FOXP1: variants seen among roughly 807,000 people sequenced by gnomAD.
The protein encoded by FOXP1 is forkhead box P1.
FOXP1 carries 15 observed loss-of-function variants against 98.2 expected under a neutral mutation model. The ratio of observed to expected loss-of-function variants is 0.15; its 90% CI spans 0.10 to 0.24. The LOEUF is 0.24. Ranked by LOEUF, FOXP1 falls within the 10% of genes least tolerant of loss-of-function variation. The pLI, the probability that FOXP1 is intolerant of heterozygous loss-of-function variation, is 1.00. For synonymous variants in FOXP1, 371 were observed against 314.5 expected, an observed-to-expected ratio of 1.18 and a Z score of -1.90; for missense variants, 633 against 848.5, an observed-to-expected ratio of 0.75 and a Z score of 3.15.
At chr3:71,492,830 G>A (rs925383388) in intron 3 of FOXP1, among the ~76,000 whole-genome samples, 1 of 152,112 alleles carries the variant, frequency 6.6e-6, no homozygotes. Flanking sequence ...AGGATGGATG[G>A]AAAACACACT....
chr3:71,348,583 A>G (rs575100396), intron 4 of FOXP1, among the ~76,000 whole-genome samples: 1 of 150,682 alleles, frequency 6.6e-6, no homozygotes, highest in African/African-American at 2.4e-5. Context: ...ATGTGTGTAT[A>G]AGTCACACAT....
intron 6 of FOXP1, among the ~76,000 whole-genome samples, chr3:71,183,919 G>A (rs182445984): frequency 7.9e-5 from 12 of 152,216 alleles, no homozygotes; most frequent in Admixed American, 2.0e-4. Flanking sequence ...TTGGGAGGCC[G>A]AGGTGGGAAG....
intron 3 of FOXP1, among the ~76,000 whole-genome samples, chr3:71,445,154 C>A (rs1457844799): frequency 2.6e-5 from 4 of 152,114 alleles, no homozygotes; most frequent in African/African-American, 7.2e-5. Context: ...AGAGCCATAA[C>A]CCCCATTTTA....
At chr3:71,246,006 C>A (rs78870634) in intron 5 of FOXP1, among the ~76,000 whole-genome samples, 22 of 144,984 alleles carry the variant, frequency 1.5e-4, no homozygotes, top group East Asian at 4.1e-4. Context: ...CCACCCCCCC[C>A]CCACCACAAA....
At position 71,281,805 on chromosome 3, in the gene FOXP1, C is replaced by G. The variant is rs547742923; in HGVS notation, c.-12+18015G>C. Reference sequence around the variant, plus strand: ...CTTGGCCTTTTACATTATCATCCCTCAAATCTAAGCTGAGGCTGGGCACAG... The same window carrying G: ...CTTGGCCTTTTACATTATCATCCCTGAAATCTAAGCTGAGGCTGGGCACAG... On this transcript the variant is annotated intron_variant, in intron 5 of 20. Transcript: ENST00000649528. Among the ~76,000 whole-genome samples the G allele has an allele frequency of 7.2e-5, 11 of 152,174 alleles. No homozygotes were observed. The East Asian group carries it at 2.1e-3, about 29-fold the overall frequency.
rs11333445 is a variant in FOXP1 at position 71,378,097 on chromosome 3, CAA to C, written c.-167-18855_-167-18854del. ...AAGGGAATCAATACAGGCCAAGAAACAAAAAAAAAAAAAAAAGCCTGTGTTTG... is the reference window on the plus strand; with the variant it reads ...AAGGGAATCAATACAGGCCAAGAAACAAAAAAAAAAAAAAGCCTGTGTTTG... On this transcript the variant is annotated intron_variant, in intron 3 of 20. Transcript: ENST00000649528. 1.3e-3 allele frequency among the ~76,000 whole-genome samples: 154 copies of C among 115,596 alleles called. 1 individual carries two copies. Among genetic ancestry groups the C allele is most frequent in the Middle Eastern group, 4.9e-3 (1 of 206 alleles). The allele number at this position is 115,596 out of a possible 152,430, so 75.8% of individuals were successfully genotyped here. A position where few individuals can be genotyped will look rare whatever the true frequency, so the allele number is the denominator to read the frequency against.
intron 11 of FOXP1, among the ~76,000 whole-genome samples, chr3:71,018,304 A>G (rs972501659): frequency 1.3e-5 from 2 of 152,202 alleles, no homozygotes; most frequent in East Asian, 1.9e-4. Context: ...TTAGAACGCA[A>G]TCAGTTATAC....
At chr3:71,281,590 C>G (rs1481586433) in intron 5 of FOXP1, among the ~76,000 whole-genome samples, 2 of 152,232 alleles carry the variant, frequency 1.3e-5, no homozygotes, top group Non-Finnish European at 2.9e-5. Context: ...TCAGGCCTGT[C>G]AAGAGCCTAA....
chr3:71,556,820 C>A (rs2046178307), intron 2 of FOXP1, among the ~76,000 whole-genome samples: 1 of 151,862 alleles, frequency 6.6e-6, no homozygotes, highest in Non-Finnish European at 1.5e-5. Context: ...ATCAGAGATG[C>A]TAATAAATGT....
chr3:71,509,072 A>G (rs971005902), intron 2 of FOXP1, among the ~76,000 whole-genome samples: 2 of 152,240 alleles, frequency 1.3e-5, no homozygotes, highest in African/African-American at 4.8e-5. Context: ...TTCGCCAGTC[A>G]TTATGGGTTT....
intron 6 of FOXP1, among the ~76,000 whole-genome samples, chr3:71,116,026 G>A (rs868201919): frequency 1.3e-5 from 2 of 152,120 alleles, no homozygotes; most frequent in Admixed American, 6.6e-5. Flanking sequence ...GTGAGCCACC[G>A]TGTCCGGCCA....
At chr3:71,406,274 A>G (rs186804116) in intron 3 of FOXP1, among the ~76,000 whole-genome samples, 3 of 152,074 alleles carry the variant, frequency 2.0e-5, no homozygotes, top group Admixed American at 2.0e-4. Flanking sequence ...TGTTCCTTCC[A>G]GTGGAGAATC....
intron 2 of FOXP1, among the ~76,000 whole-genome samples, chr3:71,541,455 G>A (rs930572194): frequency 4.6e-5 from 7 of 152,130 alleles, no homozygotes; most frequent in Non-Finnish European, 1.0e-4. Context: ...TTTTCTGCTA[G>A]ATGTCTAGAT....
chr3:71,125,004 G>A (rs975905288), intron 6 of FOXP1, among the ~76,000 whole-genome samples: 8 of 152,196 alleles, frequency 5.3e-5, no homozygotes, highest in South Asian at 2.1e-4. Context: ...TGGTTTATCT[G>A]CAGTTACACA....
intron 4 of FOXP1, among the ~76,000 whole-genome samples, chr3:71,326,752 C>G (rs112696456): frequency 6.6e-6 from 1 of 151,980 alleles, no homozygotes; most frequent in Non-Finnish European, 1.5e-5. Context: ...TAAATCCCAC[C>G]AGGAGTTGGG....
At chr3:71,206,597 AG>A (rs5850000) in intron 5 of FOXP1, among the ~76,000 whole-genome samples, 40,453 of 152,110 alleles carry the variant, frequency 0.27, 5,453 homozygotes, top group East Asian at 0.35. Flanking sequence ...ATGTGAAGAC[AG>A]GAGACTTCAT....
chr3:71,549,605 C>A (rs1235589796), intron 2 of FOXP1, among the ~76,000 whole-genome samples: 1 of 152,108 alleles, frequency 6.6e-6, no homozygotes, highest in Non-Finnish European at 1.5e-5. Context: ...GAACTTCTGG[C>A]CTCAGGCGAT....
At chr3:71,577,915 G>C (rs992205524) in intron 2 of FOXP1, among the ~76,000 whole-genome samples, 2 of 152,006 alleles carry the variant, frequency 1.3e-5, no homozygotes, top group East Asian at 3.9e-4. Context: ...ACCTGCTTGA[G>C]AGGTTTATAT....
Position 71,332,311 on chromosome 3 carries a change from G to A in FOXP1, c.-73+26839C>T, listed in dbSNP as rs184382381. On this transcript the variant is annotated intron_variant, in intron 4 of 20. Transcript: ENST00000649528. ...CGCGAAGGTCTGCAGCTTCACGCCT[G>A]AGCCAGCGAGACCACGAACCCACCA... 3.3e-3 allele frequency: 521 copies of A among 155,690 alleles called. 7 individuals carry two copies. The South Asian group carries it at 0.038, about 11-fold the overall frequency. The allele number at this position is 155,690 out of a possible 1,614,324, so 9.6% of individuals were successfully genotyped here.
Sources: gnomAD v4.1 joint callset for allele counts (sites outside exome capture counted in the v4.1 genomes callset) on GRCh38, gnomAD v4.1.1 for gene constraint, MANE v1.5 for transcripts, NCBI Gene and HGNC (gene_info 2026-07-23, HGNC 2026-07-21) for gene names.